Variants in GNG7 observed in about 807,000 individuals in gnomAD.
GNG7 encodes the protein guanine nucleotide-binding protein G(I)/G(S)/G(O) subunit gamma-7.
GNG7 carries 1 observed loss-of-function variant against 4.0 expected under a neutral mutation model. The observed-to-expected ratio is 0.25, with a 90% CI of 0.09 to 1.18. The LOEUF (loss-of-function observed/expected upper bound fraction) is 1.18. Ranked by LOEUF, GNG7 falls within the 50% of genes most tolerant of loss-of-function variation. GNG7 has a pLI of 0.50. For synonymous variants in GNG7, 34 were observed against 36.9 expected, an observed-to-expected ratio of 0.92 and a Z score of 0.29; for missense variants, 86 against 91.9, an observed-to-expected ratio of 0.94 and a Z score of 0.26.
chr19:2,592,471 A>T (rs557763823), intron 2 of GNG7, among the ~76,000 whole-genome samples: 3 of 152,118 alleles, frequency 2.0e-5, no homozygotes, highest in Non-Finnish European at 4.4e-5. Context: ...GCAGTGGCTC[A>T]TGCCTGTAAT....
rs934129184 is a variant in GNG7, at chr19:2,659,039, G to T, written c.-134-12759C>A. Among the ~76,000 whole-genome samples, 10 of 150,780 alleles carry T rather than the reference G, an allele frequency of 6.6e-5. No individual in the cohort carries two copies. The South Asian group carries it at 2.1e-3, about 32-fold the overall frequency. On this transcript the variant is annotated intron_variant, in intron 1 of 4. Coordinates refer to ENST00000382159, the MANE Select transcript of GNG7 (RefSeq NM_052847.3). The stretch of plus-strand genomic sequence containing the variant: ...GGCTGGAGGGCAGTGGCACAATCTC[G>T]GCTCACTGCAAGCTCCACCTCCCGG...
chr19:2,547,998 C>T (rs977780386), intron 3 of GNG7, among the ~76,000 whole-genome samples: 3 of 152,132 alleles, frequency 2.0e-5, no homozygotes, highest in Admixed American at 6.5e-5. Flanking sequence ...TGCTGTGGCC[C>T]GTGGGCTCCA....
In GNG7 at chr19:2,633,782, A is replaced by G. The variant is rs2144845722; in HGVS notation, c.-78+12442T>C. ...CCTGCTCTCAACTCACCCGGGAGGC[A>G]GGTTCTTCTGCACCGGGCCTTCTCC... On this transcript the variant is annotated intron_variant, in intron 2 of 4. Transcript: ENST00000382159. The surrounding 1 kb of genome is among the most constrained non-coding windows in gnomAD (Gnocchi z 5.9). Among the ~76,000 whole-genome samples, 1 of 152,178 alleles carries G rather than the reference A, an allele frequency of 6.6e-6. No individual in the cohort carries two copies. The highest frequency in any genetic ancestry group is 1.9e-4 in the East Asian group (1 of 5,148).
At chr19:2,568,193 A>G (rs572739122) in intron 2 of GNG7, among the ~76,000 whole-genome samples, 1 of 150,744 alleles carries the variant, frequency 6.6e-6, no homozygotes, top group East Asian at 1.9e-4. Context: ...ATGCACATAC[A>G]CACACATATA....
At chr19:2,624,406 C>T (rs1054685783) in intron 2 of GNG7, among the ~76,000 whole-genome samples, 4 of 151,478 alleles carry the variant, frequency 2.6e-5, no homozygotes, top group Admixed American at 2.6e-4. Flanking sequence ...TGGTGGGCGC[C>T]TGTAGTCCCA....
intron 1 of GNG7, among the ~76,000 whole-genome samples, chr19:2,676,226 T>G (rs1983590176): frequency 1.3e-5 from 2 of 152,198 alleles, no homozygotes; most frequent in African/African-American, 4.8e-5. Flanking sequence ...CTTCTAGAAC[T>G]GCCAGAAAAT....
At chr19:2,529,085 C>G (rs8102656) in intron 3 of GNG7, among the ~76,000 whole-genome samples, 8 of 152,104 alleles carry the variant, frequency 5.3e-5, no homozygotes, top group African/African-American at 1.4e-4. Flanking sequence ...AGCCCCCCAC[C>G]GCCGGCCCTG....
intron 2 of GNG7, among the ~76,000 whole-genome samples, chr19:2,635,435 G>A (rs900675664): frequency 3.3e-5 from 5 of 152,208 alleles, no homozygotes; most frequent in Admixed American, 2.0e-4. Flanking sequence ...AGCAGACGGT[G>A]TAAGACAGGG....
intron 2 of GNG7, among the ~76,000 whole-genome samples, chr19:2,606,228 A>G (rs1369315206): frequency 6.6e-6 from 1 of 151,782 alleles, no homozygotes; most frequent in East Asian, 1.9e-4. Context: ...AAAATACAAA[A>G]ATTAGCTGGG....
chr19:2,701,690 C>T (rs911010355), intron 1 of GNG7, among the ~76,000 whole-genome samples: 18 of 149,824 alleles, frequency 1.2e-4, no homozygotes, highest in Non-Finnish European at 5.9e-5. Context: ...ATGAACCCCA[C>T]TTCAAACTCC....
intron 2 of GNG7, among the ~76,000 whole-genome samples, chr19:2,628,067 G>A (rs1298394916): frequency 6.6e-6 from 1 of 152,216 alleles, no homozygotes; most frequent in East Asian, 1.9e-4. Flanking sequence ...TTTCTCCTAT[G>A]TGAAGTGGAG....
At chr19:2,534,180 G>A (rs1978671004) in intron 3 of GNG7, among the ~76,000 whole-genome samples, 1 of 152,120 alleles carries the variant, frequency 6.6e-6, no homozygotes, top group Non-Finnish European at 1.5e-5. Flanking sequence ...ATGTCAGTGT[G>A]ATAAGACTCA....
intron 2 of GNG7, among the ~76,000 whole-genome samples, chr19:2,580,243 G>T (rs1008503647): frequency 6.6e-6 from 1 of 151,780 alleles, no homozygotes; most frequent in Non-Finnish European, 1.5e-5. Flanking sequence ...TCTGTCTAAG[G>T]GGCAGGGATA....
chr19:2,587,155 G>C lies in GNG7; in HGVS notation c.-77-31967C>G, dbSNP rs370352232. On this transcript the variant is annotated intron_variant, in intron 2 of 4. Coordinates refer to ENST00000382159, the MANE Select transcript of GNG7 (RefSeq NM_052847.3). ...GCCGCAGGTTAGGACCCCTGGGTTG[G>C]AGGTTTCACCACGGAGAGTTGCGGC... 6.6e-5 allele frequency among the ~76,000 whole-genome samples: 10 copies of C among 152,174 alleles called. No homozygotes were observed. In the East Asian group the frequency reaches 1.7e-3, roughly 26 times the overall value.
intron 2 of GNG7, among the ~76,000 whole-genome samples, chr19:2,592,319 T>C (rs1980869683): frequency 6.7e-6 from 1 of 150,248 alleles, no homozygotes; most frequent in South Asian, 2.1e-4. Flanking sequence ...GGCTGAAAAG[T>C]AGAGTTGCTA....
At chr19:2,668,853 T>A (rs562957334) in intron 1 of GNG7, among the ~76,000 whole-genome samples, 14 of 152,124 alleles carry the variant, frequency 9.2e-5, no homozygotes, top group Non-Finnish European at 2.1e-4. Context: ...TACCGCAGGG[T>A]GCTGAGGAGC....
chr19:2,531,134 C>T lies in GNG7; in HGVS notation c.-37-10409G>A, dbSNP rs574560902. Among the ~76,000 whole-genome samples the T allele has an allele frequency of 2.7e-3, 414 of 151,898 alleles. 4 individuals are homozygous for T. The highest frequency in any genetic ancestry group is 9.5e-3 in the African/African-American group (393 of 41,420). On this transcript the variant is annotated intron_variant, in intron 3 of 4. Coordinates refer to ENST00000382159, the MANE Select transcript of GNG7 (RefSeq NM_052847.3). ...TAGCCTGGTCAACATGGTGAAACCC[C>T]GTCTCTACTAAAATACAAAAATTAG...
chr19:2,519,636 G>A (rs1430848200), intron 4 of GNG7, among the ~76,000 whole-genome samples: 5 of 137,180 alleles, frequency 3.6e-5, no homozygotes, highest in African/African-American at 5.6e-5. Context: ...ATTTAAATCC[G>A]TAGACTTCAA....
rs535976028 is a variant in GNG7, at chr19:2,538,581, T to A, written c.-38+16568A>T. On this transcript the variant is annotated intron_variant, in intron 3 of 4. Coordinates refer to ENST00000382159, the MANE Select transcript of GNG7 (RefSeq NM_052847.3). ...AGGAGTTGGAAGCTGAAGTGAGCTA[T>A]GATTGCACCGCTGCACTCCAGCCTG... 96 of 380,700 alleles carry A rather than the reference T, an allele frequency of 2.5e-4. 1 individual carries two copies. The highest frequency in any genetic ancestry group is 1.9e-3 in the South Asian group (95 of 48,980). 23.6% of individuals were successfully genotyped at this position (380,700 alleles called of 1,614,324 possible). A position where few individuals can be genotyped will look rare whatever the true frequency, so the allele number is the denominator to read the frequency against.
Sources: gnomAD v4.1 joint callset for allele counts (sites outside exome capture counted in the v4.1 genomes callset) on GRCh38, gnomAD v4.1.1 for gene constraint, Gnocchi (gnomAD v3.1) non-coding constraint, MANE v1.5 for transcripts, NCBI Gene and HGNC (gene_info 2026-07-23, HGNC 2026-07-21) for gene names.